Variants in CAMTA1 observed in about 807,000 individuals in gnomAD.
The protein encoded by CAMTA1 is calmodulin binding transcription activator 1.
In CAMTA1, 27 loss-of-function variants were observed where a neutral mutation model predicts 170.9. The ratio of observed to expected loss-of-function variants is 0.16; its 90% CI spans 0.12 to 0.22. CAMTA1 has a LOEUF of 0.22. CAMTA1 is among the 10% of genes least tolerant of loss of function. The pLI, the probability that CAMTA1 is intolerant of heterozygous loss-of-function variation, is 1.00. For missense variants in CAMTA1, 1,619 were observed against 2,217.2 expected (o/e 0.73, Z 5.42); for synonymous variants, 833 against 891.5 (o/e 0.93, Z 1.17).
intron 11 of CAMTA1, among the ~76,000 whole-genome samples, chr1:7,683,977 C>T (rs1349444588): frequency 2.0e-5 from 3 of 152,212 alleles, no homozygotes; most frequent in Admixed American, 2.0e-4. Flanking sequence ...TCCTCAGATC[C>T]TCCTGGGACA....
intron 4 of CAMTA1, among the ~76,000 whole-genome samples, chr1:7,099,170 C>A (rs1642433363): frequency 6.6e-6 from 1 of 152,130 alleles, no homozygotes; most frequent in African/African-American, 2.4e-5. Context: ...TGCCTCTCAG[C>A]CTCCTGAGTA....
rs1049658290 is a variant in CAMTA1 at position 6,786,454 on chromosome 1, ATCT to A, written c.45+884_45+886del. ...GCACAGGGGTCCGTCTGATCTGCTC[ATCT>A]TCTTTGGATTCTTTTGGGGCCTCTG... On this transcript the variant is annotated intron_variant, in intron 1 of 22. Transcript: ENST00000303635. Among the ~76,000 whole-genome samples, 15 of 151,920 alleles carry A rather than the reference ATCT, an allele frequency of 9.9e-5. 1 individual carries two copies. The highest frequency in any genetic ancestry group is 7.2e-4 in the Admixed American group (11 of 15,252).
rs114560085 is a variant in CAMTA1 at position 7,171,951 on chromosome 1, T to C, written c.303-77540T>C. ...GTCGCACATGTCAGTGCTTAGTTCC[T>C]CTTCGTGGTGGAATAATTGTCTATT... On this transcript the variant is annotated intron_variant, in intron 4 of 22. Coordinates refer to ENST00000303635, the MANE Select transcript of CAMTA1 (RefSeq NM_015215.4). Among the ~76,000 whole-genome samples, 1,231 of 152,372 alleles carry C rather than the reference T, an allele frequency of 8.1e-3. 14 individuals are homozygous for C. Among genetic ancestry groups the C allele is most frequent in the African/African-American group, 0.028 (1,146 of 41,588 alleles).
At chr1:6,921,124 C>G (rs1681925166) in intron 3 of CAMTA1, among the ~76,000 whole-genome samples, 1 of 152,192 alleles carries the variant, frequency 6.6e-6, no homozygotes, top group African/African-American at 2.4e-5. Context: ...AACTGAATGC[C>G]TTTAGCAGCA....
intron 6 of CAMTA1, among the ~76,000 whole-genome samples, chr1:7,479,050 G>T (rs961989279): frequency 1.3e-5 from 2 of 152,224 alleles, no homozygotes; most frequent in Admixed American, 6.5e-5. Context: ...CCCACTCTGC[G>T]TGTGGACGTC....
intron 5 of CAMTA1, among the ~76,000 whole-genome samples, chr1:7,408,523 C>T (rs1464602250): frequency 6.6e-6 from 1 of 152,178 alleles, no homozygotes; most frequent in African/African-American, 2.4e-5. Context: ...GTGGGAGCCT[C>T]AGAGGAGATG....
At chr1:6,938,373 T>C (rs1193926137) in intron 3 of CAMTA1, among the ~76,000 whole-genome samples, 2 of 152,004 alleles carry the variant, frequency 1.3e-5, no homozygotes, top group Non-Finnish European at 2.9e-5. Context: ...GAGGAGGCGC[T>C]GCAGAGAGCT....
chr1:7,740,994 T>C (rs1408397963), intron 16 of CAMTA1, among the ~76,000 whole-genome samples: 1 of 152,190 alleles, frequency 6.6e-6, no homozygotes, highest in Non-Finnish European at 1.5e-5. Flanking sequence ...AAACCGTTCA[T>C]AGAGGAGTGA....
intron 3 of CAMTA1, among the ~76,000 whole-genome samples, chr1:6,903,467 A>G (rs1313118738): frequency 6.6e-6 from 1 of 152,252 alleles, no homozygotes; most frequent in Non-Finnish European, 1.5e-5. Context: ...ATTTAGAACC[A>G]TTTATTCTGT....
intron 6 of CAMTA1, among the ~76,000 whole-genome samples, chr1:7,619,273 A>G (rs1334233492): frequency 1.3e-5 from 2 of 152,230 alleles, no homozygotes; most frequent in Admixed American, 6.5e-5. Flanking sequence ...AATGTATTCT[A>G]TCACCTACGC....
At chr1:7,241,581 G>A (rs1282784891) in intron 4 of CAMTA1, among the ~76,000 whole-genome samples, 18 of 152,162 alleles carry the variant, frequency 1.2e-4, no homozygotes, top group Non-Finnish European at 1.5e-5. Flanking sequence ...AAGATAGATA[G>A]TATTGGCATA....
chr1:7,169,623 T>C (rs1002617903), intron 4 of CAMTA1, among the ~76,000 whole-genome samples: 1 of 152,208 alleles, frequency 6.6e-6, no homozygotes, highest in Non-Finnish European at 1.5e-5. Flanking sequence ...GTGAGTCTCC[T>C]GCCTCAGCCT....
intron 4 of CAMTA1, among the ~76,000 whole-genome samples, chr1:7,186,892 T>C (rs996548503): frequency 4.0e-5 from 6 of 151,312 alleles, no homozygotes; most frequent in Non-Finnish European, 8.8e-5. Flanking sequence ...AGTTCAGGAG[T>C]CTTCCCGGCG....
At chr1:6,815,874 C>T (rs1645751736) in intron 1 of CAMTA1, among the ~76,000 whole-genome samples, 3 of 152,130 alleles carry the variant, frequency 2.0e-5, no homozygotes, top group African/African-American at 7.2e-5. Flanking sequence ...AGATAACCCG[C>T]ATGCACATTA....
intron 16 of CAMTA1, among the ~76,000 whole-genome samples, chr1:7,742,809 C>T (rs944167918): frequency 6.6e-6 from 1 of 152,122 alleles, no homozygotes; most frequent in African/African-American, 2.4e-5. Context: ...ATCAAGACGG[C>T]CAATAGAGAA....
intron 9 of CAMTA1, among the ~76,000 whole-genome samples, chr1:7,670,619 T>C (rs979295234): frequency 6.6e-6 from 1 of 152,210 alleles, no homozygotes; most frequent in East Asian, 1.9e-4. Context: ...CCCTCCTGCC[T>C]GGATCTGCGA....
At chr1:6,819,701 C>T (rs1037321876) in intron 1 of CAMTA1, among the ~76,000 whole-genome samples, 3 of 152,202 alleles carry the variant, frequency 2.0e-5, no homozygotes, top group African/African-American at 2.4e-5. Context: ...GTGCAAAGAA[C>T]GGTTTCCCCC....
rs750296786 is a variant in CAMTA1, at chr1:7,682,051, T to G, written c.2914+4318T>G. Among the ~76,000 whole-genome samples the G allele has an allele frequency of 6.6e-6, 1 of 151,980 alleles. No individual in the cohort carries two copies. Among genetic ancestry groups the G allele is most frequent in the African/African-American group, 2.4e-5 (1 of 41,356 alleles). ...AGCCGCTTAGACTTAGACTCTATTT[T>G]CAGTGCTTCTCAGGCAACTGAGCCT... On this transcript the variant is annotated intron_variant, in intron 11 of 22. Transcript: ENST00000303635. The surrounding 1 kb of genome is among the most constrained non-coding windows in gnomAD (Gnocchi z 5.0).
intron 11 of CAMTA1, among the ~76,000 whole-genome samples, chr1:7,717,092 A>G (rs1434215944): frequency 1.3e-5 from 2 of 152,152 alleles, no homozygotes; most frequent in Non-Finnish European, 2.9e-5. Flanking sequence ...GCAGTGGACA[A>G]TAGAATAGTC....
Sources: allele counts gnomAD v4.1 joint callset (sites outside exome capture counted in the v4.1 genomes callset), GRCh38; gene constraint gnomAD v4.1.1; non-coding constraint Gnocchi (gnomAD v3.1); transcripts MANE v1.5; gene names NCBI Gene and HGNC (gene_info 2026-07-23, HGNC 2026-07-21).